ATP8B4: variants seen among roughly 807,000 people sequenced by gnomAD.
ATP8B4 encodes the protein probable phospholipid-transporting ATPase IM.
In ATP8B4, 133 loss-of-function variants were observed where a neutral mutation model predicts 145.6. The ratio of observed to expected loss-of-function variants is 0.91; its 90% CI spans 0.79 to 1.05. ATP8B4 has a LOEUF of 1.05. Ranked by LOEUF, ATP8B4 falls within the 50% of genes least tolerant of loss-of-function variation. The pLI is 0.00. For missense variants in ATP8B4, 1,458 were observed against 1,425.2 expected (o/e 1.02, Z -0.37); for synonymous variants, 507 against 492.9 (o/e 1.03, Z -0.38).
intron 1 of ATP8B4, among the ~76,000 whole-genome samples, chr15:50,109,336 A>G (rs1478450157): frequency 6.6e-6 from 1 of 152,210 alleles, no homozygotes. Context: ...TCATCCATGA[A>G]GGACTTTGTT....
intron 1 of ATP8B4, among the ~76,000 whole-genome samples, chr15:50,174,929 A>G (rs944273737): frequency 4.6e-5 from 7 of 152,252 alleles, no homozygotes; most frequent in Admixed American, 1.3e-4. Context: ...ACAGCATGGT[A>G]CTGGTATAAA....
At chr15:49,946,678 CTAACT>C (rs1159667189) in intron 14 of ATP8B4, among the ~76,000 whole-genome samples, 1 of 151,988 alleles carries the variant, frequency 6.6e-6, no homozygotes, top group Non-Finnish European at 1.5e-5. Flanking sequence ...GACTGCCCTC[CTAACT>C]TATTATACCC....
chr15:49,913,233 T>C (rs2039417521), intron 20 of ATP8B4, among the ~76,000 whole-genome samples: 1 of 151,700 alleles, frequency 6.6e-6, no homozygotes, highest in South Asian at 2.1e-4. Flanking sequence ...TCAACATACG[T>C]AATAAATATG....
intron 6 of ATP8B4, among the ~76,000 whole-genome samples, chr15:50,018,044 G>A (rs2049234078): frequency 6.8e-6 from 1 of 146,726 alleles, no homozygotes. Context: ...CTGGAGTGCA[G>A]TGGCACCATC....
At chr15:49,941,437 A>G (rs2042156098) in intron 14 of ATP8B4, among the ~76,000 whole-genome samples, 1 of 152,236 alleles carries the variant, frequency 6.6e-6, no homozygotes, top group Admixed American at 6.5e-5. Flanking sequence ...CACATTTAAT[A>G]CAAAATCCTG....
intron 2 of ATP8B4, among the ~76,000 whole-genome samples, chr15:50,084,594 A>G (rs2054771776): frequency 6.6e-6 from 1 of 152,166 alleles, no homozygotes; most frequent in Non-Finnish European, 1.5e-5. Context: ...ACAAATTACC[A>G]TGAATTTAGT....
chr15:49,939,709 C>G (rs1055658081), intron 14 of ATP8B4, among the ~76,000 whole-genome samples: 3 of 152,098 alleles, frequency 2.0e-5, no homozygotes, highest in African/African-American at 7.2e-5. Context: ...ATTGAAACTA[C>G]TACAAAAAAT....
chr15:50,122,905 GATTAAAAC>G (rs1567396151), upstream of ATP8B4, among the ~76,000 whole-genome samples: 1 of 152,040 alleles, frequency 6.6e-6, no homozygotes, highest in Non-Finnish European at 1.5e-5. Flanking sequence ...AAATTGGGAA[GATTAAAAC>G]CTTCTTCTCA....
At chr15:50,160,015 C>CTTTTTTTTTTTTTTT (rs35773416) in intron 1 of ATP8B4, among the ~76,000 whole-genome samples, 1 of 20,078 alleles carries the variant, frequency 5.0e-5, no homozygotes, top group Non-Finnish European at 8.4e-5. Context: ...CAGGTCCTGG[C>CTTTTTTTTTTTTTTT]TTTTTTTTTT....
intron 2 of ATP8B4, among the ~76,000 whole-genome samples, chr15:50,092,099 C>G (rs913024331): frequency 1.3e-5 from 2 of 152,088 alleles, no homozygotes; most frequent in Admixed American, 1.3e-4. Flanking sequence ...CAGAGCCTAG[C>G]AGGGAAGAGA....
At chr15:50,020,215 A>C (rs553686968) in intron 6 of ATP8B4, among the ~76,000 whole-genome samples, 44 of 151,572 alleles carry the variant, frequency 2.9e-4, no homozygotes, top group Middle Eastern at 3.5e-3. Flanking sequence ...TTGGCCTCCC[A>C]AAGTGCTGAG....
At chr15:49,891,060 C>T (rs1171071978) in intron 23 of ATP8B4, among the ~76,000 whole-genome samples, 1 of 152,128 alleles carries the variant, frequency 6.6e-6, no homozygotes. Context: ...TAGCTAATTA[C>T]AGGTCAGTTG....
chr15:50,109,447 G>T (rs1332477836), intron 1 of ATP8B4, among the ~76,000 whole-genome samples: 1 of 152,050 alleles, frequency 6.6e-6, no homozygotes, highest in South Asian at 2.1e-4. Flanking sequence ...TATTGGGCAG[G>T]TGAATGAATT....
intron 2 of ATP8B4, among the ~76,000 whole-genome samples, chr15:50,103,520 T>C (rs1258452611): frequency 8.6e-5 from 13 of 151,966 alleles, no homozygotes; most frequent in Admixed American, 7.9e-4. Flanking sequence ...CTTAGGAATA[T>C]ACTTAACCAA....
chr15:49,917,226 C>T, intron 19 of ATP8B4, 187 bp from the exon 20 acceptor site: 1 of 547,244 alleles, frequency 1.8e-6, no homozygotes, highest in Non-Finnish European at 3.2e-6. Flanking sequence ...GTTTCAGGAT[C>T]AAATTCCCTA....
intron 1 of ATP8B4, among the ~76,000 whole-genome samples, chr15:50,170,194 A>G (rs1016270298): frequency 1.3e-5 from 2 of 152,224 alleles, no homozygotes; most frequent in African/African-American, 4.8e-5. Flanking sequence ...TGGGAAATTC[A>G]TCACAAAAAG....
At chr15:50,031,334 T>C (rs953528287) in intron 6 of ATP8B4, among the ~76,000 whole-genome samples, 1 of 152,158 alleles carries the variant, frequency 6.6e-6, no homozygotes, top group Non-Finnish European at 1.5e-5. Context: ...AGTGGTACCA[T>C]CATAATGTAT....
chr15:50,115,596 G>A (rs1048559178), intron 1 of ATP8B4, among the ~76,000 whole-genome samples: 1 of 151,928 alleles, frequency 6.6e-6, no homozygotes, highest in Admixed American at 6.6e-5. Context: ...AGGAAGGTTT[G>A]CGGAGCAGTG....
chr15:49,873,449 A>G (rs969811135), intron 25 of ATP8B4, among the ~76,000 whole-genome samples: 12 of 152,242 alleles, frequency 7.9e-5, no homozygotes, highest in African/African-American at 2.9e-4. Context: ...CAGCCATTAA[A>G]AGGGATATTT....
Sources: allele counts gnomAD v4.1 joint callset (sites outside exome capture counted in the v4.1 genomes callset), GRCh38; gene constraint gnomAD v4.1.1; transcripts MANE v1.5; gene names NCBI Gene and HGNC (gene_info 2026-07-23, HGNC 2026-07-21).